Variants in AKAP13 observed in about 807,000 individuals in gnomAD.
AKAP13 encodes A-kinase anchoring protein 13.
In AKAP13, 80 loss-of-function variants were observed where a neutral mutation model predicts 264.5. The observed-to-expected ratio is 0.30, with a 90% CI of 0.25 to 0.36. The LOEUF (loss-of-function observed/expected upper bound fraction) is 0.36, where lower values mean the gene tolerates loss of function less well. Ranked by LOEUF, AKAP13 falls within the 10% of genes least tolerant of loss-of-function variation. The pLI, the probability that AKAP13 is intolerant of heterozygous loss-of-function variation, is 1.00. For synonymous variants in AKAP13, 1,380 were observed against 1,250.2 expected (o/e 1.10, Z -2.19); for missense variants, 3,712 against 3,435.2 (o/e 1.08, Z -2.01).
In AKAP13 at chr15:85,575,308, G is replaced by A; in HGVS notation, c.840G>A (p.Met280Ile). The change falls in exon 6 of 37, where the codon ATG becomes ATA. Residue 280 changes from methionine to isoleucine, a missense_variant. This residue lies in a region of AKAP13 where 2,759 missense variants were observed against 2,411.7 expected (regional missense o/e 1.14). Transcript: ENST00000394518. ...DGCTGPIFKL[M>I]NIQQQLMKTN... is the part of the protein sequence containing the mutation. ...GCACTGGACCAATTTTTAAACTTAT[G>A]AACATCCAACAGCAACTAATGGTAA... 1 of 1,614,078 alleles carries A rather than the reference G, an allele frequency of 6.2e-7. No homozygotes were observed. Among genetic ancestry groups the A allele is most frequent in the South Asian group, 1.1e-5 (1 of 91,072 alleles).
intron 1 of AKAP13, among the ~76,000 whole-genome samples, chr15:85,409,626 G>GTTTT (rs1333608342): frequency 4.6e-5 from 6 of 129,986 alleles, no homozygotes; most frequent in Admixed American, 7.6e-5. Context: ...GCTAGTAGTA[G>GTTTT]TTTTTTTTTT....
At chr15:85,661,987 AGATACTATGGTAAGGGTGAT>A (rs1210637534) in intron 12 of AKAP13, among the ~76,000 whole-genome samples, 1 of 151,756 alleles carries the variant, frequency 6.6e-6, no homozygotes, top group Non-Finnish European at 1.5e-5. Flanking sequence ...CTAGGATTAG[AGATACTATGGTAAGGGTGAT>A]GTGGGAGTAT....
chr15:85,391,088 T>C (rs1365510834), intron 1 of AKAP13, among the ~76,000 whole-genome samples: 1 of 152,136 alleles, frequency 6.6e-6, no homozygotes, highest in East Asian at 1.9e-4. Context: ...GCTCATGGCA[T>C]AGTAGTTAAT....
In AKAP13 at chr15:85,741,729, C is replaced by CAA. The variant is rs112524984; in HGVS notation, c.8058+245_8058+246dup. 1.2e-3 allele frequency among the ~76,000 whole-genome samples: 102 copies of CAA among 82,280 alleles called. 1 individual carries two copies. The highest frequency in any genetic ancestry group is 3.1e-3 in the East Asian group (11 of 3,586). The allele number at this position is 82,280 out of a possible 152,430, so 54.0% of individuals were successfully genotyped here. ...AAAAAAAAAAAAACAAACAAACAAACAAAAAAAAAAAACAGTTTTTAAGAA... is the reference window on the plus strand; with the variant it reads ...AAAAAAAAAAAAACAAACAAACAAACAAAAAAAAAAAAAACAGTTTTTAAGAA... On this transcript the variant is annotated intron_variant, in intron 35 of 36. Transcript: ENST00000394518.
chr15:85,710,057 G>C (rs11630392), intron 18 of AKAP13, among the ~76,000 whole-genome samples: 79,417 of 151,960 alleles, frequency 0.52, 21,614 homozygotes, highest in Admixed American at 0.67. Flanking sequence ...TCGCTTCAGT[G>C]TATAATCTCT....
At chr15:85,543,639 CTG>C (rs1167214642) in intron 4 of AKAP13, 131 bp from the exon 5 acceptor site, 1 of 1,020,214 alleles carries the variant, frequency 9.8e-7, no homozygotes, top group Non-Finnish European at 1.4e-6. Flanking sequence ...GCTGTTCACA[CTG>C]TATGTTGTAG....
intron 8 of AKAP13, among the ~76,000 whole-genome samples, chr15:85,601,608 T>TGTGTGTGTGTG (rs2080075703): frequency 1.1e-4 from 15 of 131,990 alleles, no homozygotes; most frequent in Admixed American, 3.1e-4. Flanking sequence ...CCTGAATTCT[T>TGTGTGTGTGTG]TGTGTGTGTG....
intron 1 of AKAP13, among the ~76,000 whole-genome samples, chr15:85,381,067 T>TA (rs1278325370): frequency 3.3e-5 from 5 of 151,734 alleles, no homozygotes; most frequent in Non-Finnish European, 1.5e-5. Flanking sequence ...CAGCCCAACT[T>TA]AGAGGCCGTC....
At chr15:85,637,549 A>C (rs1294421622) in intron 8 of AKAP13, among the ~76,000 whole-genome samples, 3 of 151,966 alleles carry the variant, frequency 2.0e-5, no homozygotes, top group Non-Finnish European at 4.4e-5. Flanking sequence ...CCAGAGTTGT[A>C]TTGATATTAT....
At chr15:85,463,023 C>CAA (rs35565608) in intron 1 of AKAP13, among the ~76,000 whole-genome samples, 1,866 of 64,930 alleles carry the variant, frequency 0.029, 96 homozygotes, top group Non-Finnish European at 0.039. Flanking sequence ...GACTCCGTCT[C>CAA]AAAAAAAAAA....
At chr15:85,458,977 CA>C (rs2074396900) in intron 1 of AKAP13, among the ~76,000 whole-genome samples, 4 of 152,280 alleles carry the variant, frequency 2.6e-5, no homozygotes, top group Admixed American at 2.0e-4. Flanking sequence ...CTTGTCTAGA[CA>C]GTTTCAACTA....
chr15:85,398,717 G>C (rs761170609), intron 1 of AKAP13, among the ~76,000 whole-genome samples: 1 of 151,924 alleles, frequency 6.6e-6, no homozygotes, highest in Non-Finnish European at 1.5e-5. Flanking sequence ...CACCACGCCC[G>C]GCTAATTTTT....
chr15:85,561,127 G>A (rs930342424), intron 5 of AKAP13, among the ~76,000 whole-genome samples: 2 of 149,696 alleles, frequency 1.3e-5, no homozygotes, highest in African/African-American at 4.9e-5. Flanking sequence ...GCGCAATCTC[G>A]GCTCACTGCA....
intron 1 of AKAP13, among the ~76,000 whole-genome samples, chr15:85,484,436 G>T (rs569711174): frequency 6.6e-6 from 1 of 152,234 alleles, no homozygotes; most frequent in Admixed American, 6.5e-5. Context: ...CTGTTATAGC[G>T]CATGGGGTGG....
At chr15:85,560,865 T>C (rs2078346596) in intron 5 of AKAP13, among the ~76,000 whole-genome samples, 1 of 152,168 alleles carries the variant, frequency 6.6e-6, no homozygotes, top group Non-Finnish European at 1.5e-5. Context: ...TTCATTGCAA[T>C]GTGGCCAGTA....
rs566579814 is a variant in AKAP13 at position 85,504,503 on chromosome 15, CAAAAAAAAAA to C, written c.34-16902_34-16893del. On this transcript the variant is annotated intron_variant, in intron 2 of 36. Transcript: ENST00000394518. The stretch of plus-strand genomic sequence containing the variant: ...GCGATGTGGTGAGACCCTGTCTTTA[CAAAAAAAAAA>C]AAAAAAAAAAAAAAAAAAAAAAGAA... Among the ~76,000 whole-genome samples, 22 of 91,048 alleles carry C rather than the reference CAAAAAAAAAA, an allele frequency of 2.4e-4. No individual in the cohort carries two copies. The South Asian group carries it at 3.9e-3, about 16-fold the overall frequency. 59.7% of individuals were successfully genotyped at this position (91,048 alleles called of 152,430 possible). A position where few individuals can be genotyped will look rare whatever the true frequency, so the allele number is the denominator to read the frequency against.
intron 3 of AKAP13, among the ~76,000 whole-genome samples, chr15:85,522,387 A>T (rs2076853251): frequency 2.0e-5 from 3 of 152,164 alleles, no homozygotes; most frequent in African/African-American, 7.2e-5. Flanking sequence ...GGAAAAGGCA[A>T]ATACAAAAAG....
At chr15:85,604,274 G>A (rs780327479) in intron 8 of AKAP13, among the ~76,000 whole-genome samples, 6 of 152,118 alleles carry the variant, frequency 3.9e-5, no homozygotes, top group Non-Finnish European at 8.8e-5. Flanking sequence ...AGGTTGAAAA[G>A]CTGATTTAAT....
rs140929962 is a variant in AKAP13, at chr15:85,422,085, G to T, written c.-12+41287G>T. Among the ~76,000 whole-genome samples the T allele has an allele frequency of 1.2e-3, 179 of 152,242 alleles. 1 individual carries two copies. Among genetic ancestry groups the T allele is most frequent in the African/African-American group, 4.2e-3 (173 of 41,530 alleles). On this transcript the variant is annotated intron_variant, in intron 1 of 36. Transcript: ENST00000394518. ...GGTGGGCTCTATCATGATCTCTCTT[G>T]GCAGGGATTTATCCAGAGTCATTTG...
Sources: allele counts gnomAD v4.1 joint callset (sites outside exome capture counted in the v4.1 genomes callset), GRCh38; gene constraint gnomAD v4.1.1; regional missense constraint gnomAD v4.1.1; transcripts MANE v1.5; gene names NCBI Gene and HGNC (gene_info 2026-07-23, HGNC 2026-07-21).